Variants in TNNT1 observed in about 807,000 individuals in gnomAD.
TNNT1 encodes the protein troponin T1, slow skeletal type, also known as troponin T, slow skeletal muscle.
TNNT1 carries 53 observed loss-of-function variants against 50.6 expected under a neutral mutation model. The ratio of observed to expected loss-of-function variants is 1.05; its 90% confidence interval spans 0.84 to 1.32. The LOEUF is 1.32. Among genes scored for constraint, TNNT1 ranks in the 40% most tolerant of loss-of-function variants. The pLI, the probability that TNNT1 is intolerant of heterozygous loss-of-function variation, is 0.00. For synonymous variants in TNNT1, 142 were observed against 138.0 expected, an observed-to-expected ratio of 1.03 and a Z score of -0.20; for missense variants, 348 against 381.7, an observed-to-expected ratio of 0.91 and a Z score of 0.74.
chr19:55,139,252 G>A (rs988361488), intron 9 of TNNT1, among the ~76,000 whole-genome samples: 17 of 152,114 alleles, frequency 1.1e-4, no homozygotes, highest in African/African-American at 4.1e-4. Flanking sequence ...CACTTGTCTC[G>A]GTCTCCCAAA....
intron 11 of TNNT1, among the ~76,000 whole-genome samples, chr19:55,134,434 C>A (rs1317200492): frequency 6.6e-6 from 1 of 151,738 alleles, no homozygotes; most frequent in Non-Finnish European, 1.5e-5. Flanking sequence ...ACCTGTAATC[C>A]CAGCACTTTG....
rs181165685 is a variant in TNNT1, at chr19:55,144,612, C to T, written c.128+932G>A. Reference sequence around the variant, plus strand: ...TGTTACTTAGGCTGATCTTGAACTCCTATCCTCAAGTGATCCTCCCACCTG... The same window carrying T: ...TGTTACTTAGGCTGATCTTGAACTCTTATCCTCAAGTGATCCTCCCACCTG... On this transcript the variant is annotated intron_variant, in intron 6 of 13. Coordinates refer to ENST00000588981, the MANE Select transcript of TNNT1 (RefSeq NM_003283.6). 1.4e-3 allele frequency among the ~76,000 whole-genome samples: 217 copies of T among 152,318 alleles called. 1 individual carries two copies. The highest frequency in any genetic ancestry group is 7.7e-4 in the East Asian group (4 of 5,186).
At chr19:55,149,011 C>G (rs2085631490) in intron 1 of TNNT1, 150 bp downstream of exon 1, 2 of 384,236 alleles carry the variant, frequency 5.2e-6, no homozygotes, top group Non-Finnish European at 1.1e-5. Flanking sequence ...CCCCTAAAGT[C>G]TGAGCCTCTC....
Position 55,146,464 on chromosome 19 carries a change from G to T in TNNT1, c.76C>A (p.Pro26Thr). 1 of 1,376,160 alleles carries T rather than the reference G, an allele frequency of 7.3e-7. No homozygotes were observed. The highest frequency in any genetic ancestry group is 9.5e-7 in the Non-Finnish European group (1 of 1,056,564). The allele number at this position is 1,376,160 out of a possible 1,614,324, so 85.2% of individuals were successfully genotyped here. A position where few individuals can be genotyped will look rare whatever the true frequency, so the allele number is the denominator to read the frequency against. The part of the protein sequence containing the change: ...EEAAEEEEEA[P>T]EEPEPVAEPE... ...TCTGCCACCGGCTCCGGCTCTTCGG[G>T]GGCTGGGGAGGGGAGGGAGGAGCAG... The change falls in exon 5 of 14, where the codon CCC becomes ACC. Residue 26 changes from proline to threonine, a missense_variant and splice_region_variant. By Grantham distance (38) the Pro-to-Thr change is conservative (BLOSUM62 -1). Coordinates refer to ENST00000588981, the MANE Select transcript of TNNT1 (RefSeq NM_003283.6).
intron 5 of TNNT1, 122 bp from the exon 6 acceptor site, chr19:55,145,687 C>CT (rs2085536750): frequency 1.0e-6 from 1 of 998,786 alleles, no homozygotes; most frequent in Admixed American, 1.9e-5. Context: ...GGGAAGGACT[C>CT]TGGAGTCCAG....
intron 1 of TNNT1, 100 bp from the exon 2 acceptor site, chr19:55,147,268 C>T: frequency 8.6e-7 from 1 of 1,160,874 alleles, no homozygotes; most frequent in Non-Finnish European, 1.3e-6. Flanking sequence ...GCCTGGACTC[C>T]TGGGTCTGGA....
chr19:55,145,990 GC>G (rs983751047), intron 5 of TNNT1, among the ~76,000 whole-genome samples: 3 of 21,678 alleles, frequency 1.4e-4, no homozygotes, highest in Admixed American at 4.4e-4. Flanking sequence ...CCGCCCCACC[GC>G]CCCCCCGCCC....
intron 5 of TNNT1, 95 bp from the exon 6 acceptor site, chr19:55,145,660 C>T (rs577644682): frequency 7.7e-6 from 11 of 1,428,146 alleles, no homozygotes; most frequent in African/African-American, 2.8e-5. Context: ...CCCCAAGCCT[C>T]GGCCCCCAGG....
intron 4 of TNNT1, 43 bp from the exon 5 acceptor site, chr19:55,146,509 G>C (rs907974974): frequency 5.1e-5 from 63 of 1,246,380 alleles, no homozygotes; most frequent in Middle Eastern, 2.9e-4. Context: ...GGGGAGCGAG[G>C]GGGGAGCGGC....
At chr19:55,146,253 C>A (rs930724606) in intron 5 of TNNT1, among the ~76,000 whole-genome samples, 181 bp downstream of exon 5, 1 of 151,098 alleles carries the variant, frequency 6.6e-6, no homozygotes, top group Admixed American at 6.6e-5. Flanking sequence ...ACTGCGGGGC[C>A]ATTTCCCTTC....
In TNNT1 at chr19:55,132,749, T is replaced by G; in HGVS notation, c.*166A>C. The G allele has an allele frequency of 1.5e-6, 1 of 683,712 alleles. No individual in the cohort carries two copies. The highest frequency in any genetic ancestry group is 2.4e-5 in the Admixed American group (1 of 42,212). The allele number at this position is 683,712 out of a possible 1,614,324, so 42.4% of individuals were successfully genotyped here. On this transcript the variant is annotated 3_prime_UTR_variant, in exon 14 of 14. Transcript: ENST00000588981. Reference sequence around the variant, plus strand: ...TGATTATTGGTGACACTCTTTCAAGTAACTTGTTGGTAATAAGAAGTCAAT... The same window carrying G: ...TGATTATTGGTGACACTCTTTCAAGGAACTTGTTGGTAATAAGAAGTCAAT...
Position 55,145,574 on chromosome 19 carries a change from G to A in TNNT1, c.107-9C>T. The A allele has an allele frequency of 6.2e-7, 1 of 1,613,634 alleles. No individual in the cohort carries two copies. Among genetic ancestry groups the A allele is most frequent in the Non-Finnish European group, 8.5e-7 (1 of 1,179,778 alleles). ...TTTGGGGCGTTCCTCTTCTGTTGGT[G>A]GTGGGGGATAAAAAGAGATAATTAG... is the stretch of plus-strand genomic sequence containing the variant. On this transcript the variant is annotated splice_polypyrimidine_tract_variant and intron_variant, in intron 5 of 13. Transcript: ENST00000588981.
intron 6 of TNNT1, among the ~76,000 whole-genome samples, chr19:55,144,361 C>G (rs569787980): frequency 6.6e-6 from 1 of 151,972 alleles, no homozygotes; most frequent in Non-Finnish European, 1.5e-5. Context: ...TGAACCACTG[C>G]GCCCGGCCCC....
chr19:55,133,858 G>C (rs778236229), intron 13 of TNNT1, 29 bp downstream of exon 13: 3 of 1,613,708 alleles, frequency 1.9e-6, no homozygotes, highest in South Asian at 2.2e-5. Flanking sequence ...GTAGGGACAA[G>C]AGCAAGGGCT....
Position 55,140,977 on chromosome 19 carries a change from C to T in TNNT1, c.310-17G>A. On this transcript the variant is annotated splice_polypyrimidine_tract_variant and intron_variant, in intron 8 of 13. Transcript: ENST00000588981. ...GCGCCGCTCCTGGGAAACGGAGAAG[C>T]ATAAGGGGGTGCAGGGACGTACCCC... The T allele has an allele frequency of 6.2e-7, 1 of 1,613,800 alleles. No homozygotes were observed.
intron 3 of TNNT1, 119 bp from the exon 4 acceptor site, chr19:55,146,826 G>A: frequency 8.6e-7 from 1 of 1,162,202 alleles, no homozygotes; most frequent in Non-Finnish European, 1.2e-6. Flanking sequence ...CGGCTGCGAT[G>A]GGCACGTTCC....
At chr19:55,142,477 TAAAA>T (rs1019195121) in intron 6 of TNNT1, among the ~76,000 whole-genome samples, 2 of 151,928 alleles carry the variant, frequency 1.3e-5, no homozygotes, top group Admixed American at 1.3e-4. Context: ...TATAACAGAT[TAAAA>T]AAACTGTGCT....
chr19:55,146,747 G>T, intron 3 of TNNT1, 40 bp from the exon 4 acceptor site: 1 of 1,449,368 alleles, frequency 6.9e-7, no homozygotes, highest in Non-Finnish European at 9.2e-7. Context: ...TTAGGAGCTG[G>T]GGGAGGGATG....
Position 55,141,195 on chromosome 19 carries a change from C to T in TNNT1, c.300G>A (p.Lys100=). 1 of 1,614,178 alleles carries T rather than the reference C, an allele frequency of 6.2e-7. No individual in the cohort carries two copies. Among genetic ancestry groups the T allele is most frequent in the Non-Finnish European group, 8.5e-7 (1 of 1,179,986 alleles). The change falls in exon 8 of 14, where the codon AAG becomes AAA. Residue 100 remains lysine (K), a synonymous_variant. Coordinates refer to ENST00000588981, the MANE Select transcript of TNNT1 (RefSeq NM_003283.6). ...CGGACTCTCGGCTCACAATGCGCTC[C>T]TTCAAGGCAACCAGCTCCTCTTCCT... is the stretch of plus-strand genomic sequence containing the variant. ...KKEEEELVAL[K]ERIERRRSER... is the part of the protein sequence containing the mutation.
Sources: gnomAD v4.1 joint callset for allele counts (sites outside exome capture counted in the v4.1 genomes callset) on GRCh38, gnomAD v4.1.1 for gene constraint, MANE v1.5 for transcripts, NCBI Gene and HGNC (gene_info 2026-07-23, HGNC 2026-07-21) for gene names.